FMN2: variants seen among roughly 807,000 people sequenced by gnomAD.
FMN2 encodes formin 2.
In FMN2, 51 loss-of-function variants were observed where a neutral mutation model predicts 142.3. That is an observed-to-expected ratio of 0.36 (90% confidence interval 0.29 to 0.45). The LOEUF is 0.45. Among genes scored for constraint, FMN2 ranks in the 20% least tolerant of loss-of-function variants. FMN2 has a pLI of 1.00. For synonymous variants in FMN2, 882 were observed against 869.8 expected, an observed-to-expected ratio of 1.01 and a Z score of -0.25; for missense variants, 1,936 against 2,122.8, an observed-to-expected ratio of 0.91 and a Z score of 1.73.
At chr1:240,129,227 A>T (rs1662638703) in intron 2 of FMN2, among the ~76,000 whole-genome samples, 1 of 152,056 alleles carries the variant, frequency 6.6e-6, no homozygotes. Flanking sequence ...CTATTTAGTC[A>T]AGCCCACACA....
intron 6 of FMN2, among the ~76,000 whole-genome samples, chr1:240,238,705 G>C (rs1667788860): frequency 6.6e-6 from 1 of 152,060 alleles, no homozygotes; most frequent in South Asian, 2.1e-4. Flanking sequence ...TAAATACTCA[G>C]GTTCAAATAC....
chr1:240,332,079 A>G (rs1262178844), intron 11 of FMN2, among the ~76,000 whole-genome samples: 1 of 152,178 alleles, frequency 6.6e-6, no homozygotes, highest in Non-Finnish European at 1.5e-5. Flanking sequence ...TTCATGCAAT[A>G]TTCTTTCATT....
intron 7 of FMN2, among the ~76,000 whole-genome samples, chr1:240,260,925 T>G (rs551399892): frequency 6.6e-6 from 1 of 152,344 alleles, no homozygotes; most frequent in Admixed American, 6.5e-5. Context: ...GAATTGATTT[T>G]TGTATAATGT....
chr1:240,416,026 A>C (rs531885211), intron 15 of FMN2, among the ~76,000 whole-genome samples: 1 of 152,214 alleles, frequency 6.6e-6, no homozygotes, highest in East Asian at 1.9e-4. Context: ...TAAATCCACC[A>C]GACCAGAGCC....
chr1:240,304,591 T>A (rs372873033), intron 8 of FMN2, among the ~76,000 whole-genome samples: 148 of 152,348 alleles, frequency 9.7e-4, no homozygotes, highest in African/African-American at 3.3e-3. Flanking sequence ...TCTGGCCGTT[T>A]AATCCCCCAG....
At chr1:240,321,711 C>A (rs1401578915) in intron 8 of FMN2, among the ~76,000 whole-genome samples, 1 of 152,118 alleles carries the variant, frequency 6.6e-6, no homozygotes, top group Admixed American at 6.5e-5. Context: ...TCCAAAGCAG[C>A]AAATCACATT....
At chr1:240,148,780 A>G (rs963571061) in intron 2 of FMN2, among the ~76,000 whole-genome samples, 19 of 152,058 alleles carry the variant, frequency 1.2e-4, no homozygotes. Flanking sequence ...GGAGATCGAG[A>G]CCATCCTGGC....
At chr1:240,461,063 G>A (rs772115286) in intron 16 of FMN2, among the ~76,000 whole-genome samples, 53 of 152,108 alleles carry the variant, frequency 3.5e-4, no homozygotes, top group South Asian at 2.1e-4. Flanking sequence ...CAAGCTCTCC[G>A]CTTACCTGCA....
At chr1:240,425,226 A>AGAGAGAGT (rs1674897315) in intron 15 of FMN2, among the ~76,000 whole-genome samples, 1 of 151,872 alleles carries the variant, frequency 6.6e-6, no homozygotes, top group African/African-American at 2.4e-5. Flanking sequence ...AGAGAGAGAG[A>AGAGAGAGT]GAGAGAGAGC....
chr1:240,122,345 C>CCTCCGCCACCCAGCTTCAAG (rs1391572883), intron 1 of FMN2, among the ~76,000 whole-genome samples: 4 of 151,994 alleles, frequency 2.6e-5, no homozygotes, highest in African/African-American at 9.7e-5. Context: ...CTCACTGCAA[C>CCTCCGCCACCCAGCTTCAAG]CTCCGCCACC....
chr1:240,403,402 G>A (rs1200809939), intron 15 of FMN2, among the ~76,000 whole-genome samples: 1 of 152,156 alleles, frequency 6.6e-6, no homozygotes, highest in Non-Finnish European at 1.5e-5. Flanking sequence ...GGGAAGCTGA[G>A]GCAGGCAGGT....
intron 2 of FMN2, among the ~76,000 whole-genome samples, chr1:240,126,365 C>T (rs1052534267): frequency 4.0e-5 from 5 of 126,534 alleles, no homozygotes; most frequent in East Asian, 2.0e-4. Flanking sequence ...TTCCTACCTA[C>T]CCCCCCCCAC....
intron 6 of FMN2, among the ~76,000 whole-genome samples, chr1:240,247,882 T>C (rs971462142): frequency 1.3e-5 from 2 of 152,216 alleles, no homozygotes; most frequent in East Asian, 3.8e-4. Context: ...GTTACATGCA[T>C]AGAATGCGTG....
chr1:240,370,008 G>A (rs1672810725), intron 14 of FMN2, among the ~76,000 whole-genome samples: 4 of 152,088 alleles, frequency 2.6e-5, no homozygotes. Flanking sequence ...TTAGTGGGGT[G>A]ATTCTTTTCA....
chr1:240,216,554 A>G (rs1356741880), intron 6 of FMN2, among the ~76,000 whole-genome samples: 1 of 152,222 alleles, frequency 6.6e-6, no homozygotes, highest in African/African-American at 2.4e-5. Flanking sequence ...AAATCTGATC[A>G]GAAAAAAAAT....
chr1:240,384,409 C>T (rs1673344007), intron 14 of FMN2, among the ~76,000 whole-genome samples: 1 of 152,150 alleles, frequency 6.6e-6, no homozygotes, highest in African/African-American at 2.4e-5. Context: ...GAGGCTGGTG[C>T]TGCCTCTGCA....
intron 7 of FMN2, among the ~76,000 whole-genome samples, chr1:240,263,575 C>G (rs1011376342): frequency 6.6e-6 from 1 of 152,178 alleles, no homozygotes; most frequent in Non-Finnish European, 1.5e-5. Flanking sequence ...ATTAAAGCCT[C>G]GGTTGTTGAT....
At chr1:240,468,112 TC>T (rs1389271663) in intron 16 of FMN2, among the ~76,000 whole-genome samples, 1 of 152,172 alleles carries the variant, frequency 6.6e-6, no homozygotes, top group African/African-American at 2.4e-5. Context: ...AATTTTTACT[TC>T]CCTTTTTAGT....
intron 6 of FMN2, among the ~76,000 whole-genome samples, chr1:240,255,443 C>T (rs957131379): frequency 3.9e-5 from 6 of 152,058 alleles, no homozygotes; most frequent in African/African-American, 1.5e-4. Context: ...AACCACTGGA[C>T]TAGAGTTTGG....
Sources: allele counts gnomAD v4.1 joint callset (sites outside exome capture counted in the v4.1 genomes callset), GRCh38; gene constraint gnomAD v4.1.1; transcripts MANE v1.5; gene names NCBI Gene and HGNC (gene_info 2026-07-23, HGNC 2026-07-21).